The following FIP1L1 variants were observed in gnomAD, a reference collection of about 807,000 sequenced individuals.
FIP1L1 encodes the protein pre-mRNA 3'-end-processing factor FIP1.
In FIP1L1, 21 loss-of-function variants were observed where a neutral mutation model predicts 84.6. The observed-to-expected ratio is 0.25, with a 90% confidence interval of 0.18 to 0.36. The LOEUF is 0.36. Ranked by LOEUF, FIP1L1 falls within the 10% of genes least tolerant of loss-of-function variation. FIP1L1 has a pLI of 1.00. For synonymous variants in FIP1L1, 263 were observed against 242.3 expected, an observed-to-expected ratio of 1.09 and a Z score of -0.80; for missense variants, 526 against 751.1, an observed-to-expected ratio of 0.70 and a Z score of 3.50.
chr4:53,386,000 T>C (rs1355992756), intron 5 of FIP1L1, among the ~76,000 whole-genome samples: 2 of 152,082 alleles, frequency 1.3e-5, no homozygotes, highest in African/African-American at 2.4e-5. Flanking sequence ...AAGGACTGAA[T>C]TGATTTATTG....
At chr4:53,441,143 A>C (rs1482745383) in intron 13 of FIP1L1, among the ~76,000 whole-genome samples, 2 of 151,680 alleles carry the variant, frequency 1.3e-5, no homozygotes, top group African/African-American at 2.4e-5. Flanking sequence ...TATGTGGCCC[A>C]GTGTTTTATT....
chr4:53,390,504 G>C lies in FIP1L1; in HGVS notation c.398-17G>C, dbSNP rs201898974. On this transcript the variant is annotated splice_polypyrimidine_tract_variant and intron_variant, in intron 6 of 17. Coordinates refer to ENST00000337488, the MANE Select transcript of FIP1L1 (RefSeq NM_030917.4). ...CTTGCAAGTATAGCTCCTTCATTTTGTAATTTTATAAAACAGGGACAAAAG... is the reference window on the plus strand; with the variant it reads ...CTTGCAAGTATAGCTCCTTCATTTTCTAATTTTATAAAACAGGGACAAAAG... The C allele has an allele frequency of 2.6e-6, 4 of 1,549,910 alleles. No individual in the cohort carries two copies. The African/African-American group carries it at 5.5e-5, about 21-fold the overall frequency.
intron 13 of FIP1L1, among the ~76,000 whole-genome samples, chr4:53,438,354 T>C (rs1174567525): frequency 6.6e-6 from 1 of 152,216 alleles, no homozygotes; most frequent in African/African-American, 2.4e-5. Flanking sequence ...AGTCAAATAC[T>C]AAATAGTGAT....
intron 13 of FIP1L1, among the ~76,000 whole-genome samples, chr4:53,430,716 T>C (rs1766276080): frequency 6.6e-6 from 1 of 152,200 alleles, no homozygotes; most frequent in African/African-American, 2.4e-5. Flanking sequence ...CATTATACTA[T>C]AGAGTGCAGC....
At chr4:53,378,928 G>C in intron 1 of FIP1L1, 145 bp from the exon 2 acceptor site, 2 of 788,302 alleles carry the variant, frequency 2.5e-6, no homozygotes, top group Admixed American at 2.9e-5. Flanking sequence ...GAATGTGTAG[G>C]ATTTCTTTTA....
In FIP1L1 at chr4:53,382,290, A is replaced by C. The variant is rs1334225690; in HGVS notation, c.183A>C (p.Pro61=). The change falls in exon 4 of 18, where the codon CCA becomes CCC. Residue 61 remains proline, a synonymous_variant. Coordinates refer to ENST00000337488, the MANE Select transcript of FIP1L1 (RefSeq NM_030917.4). ...TTGTTGTTTGTAGTGCTAATCCTCC[A>C]TCTGGAATTGAAGATGAAACTGCTG... is the stretch of plus-strand genomic sequence containing the variant. ...PEEENASANP[P]SGIEDETAEN... is the part of the protein sequence containing the mutation. 6.2e-7 allele frequency: 1 copy of C among 1,613,392 alleles called. No homozygotes were observed. Among genetic ancestry groups the C allele is most frequent in the African/African-American group, 1.3e-5 (1 of 74,918 alleles).
chr4:53,384,168 G>A (rs1739595335), intron 5 of FIP1L1, among the ~76,000 whole-genome samples: 1 of 152,142 alleles, frequency 6.6e-6, no homozygotes, highest in African/African-American at 2.4e-5. Flanking sequence ...CAGGACTTTG[G>A]GAGGCCGAGG....
chr4:53,410,385 G>T (rs1756569866), intron 10 of FIP1L1, among the ~76,000 whole-genome samples: 1 of 152,178 alleles, frequency 6.6e-6, no homozygotes, highest in Non-Finnish European at 1.5e-5. Flanking sequence ...TTCGATGATT[G>T]CTCTTAGTTG....
At chr4:53,418,962 A>C (rs1761007734) in intron 11 of FIP1L1, among the ~76,000 whole-genome samples, 1 of 152,216 alleles carries the variant, frequency 6.6e-6, no homozygotes, top group African/African-American at 2.4e-5. Context: ...AAGTGCTCTG[A>C]ATGCATGTTG....
intron 15 of FIP1L1, among the ~76,000 whole-genome samples, chr4:53,444,805 C>T (rs927557056): frequency 2.0e-5 from 3 of 152,094 alleles, no homozygotes; most frequent in African/African-American, 7.2e-5. Flanking sequence ...CTCCTGGGCT[C>T]AAGCAATTCT....
chr4:53,421,150 G>A (rs1431193865), intron 11 of FIP1L1, among the ~76,000 whole-genome samples: 2 of 152,190 alleles, frequency 1.3e-5, no homozygotes, highest in South Asian at 4.1e-4. Context: ...AAAATCAAAT[G>A]ATAGCTAGGC....
At chr4:53,397,657 T>G (rs528997149) in intron 9 of FIP1L1, among the ~76,000 whole-genome samples, 1 of 152,372 alleles carries the variant, frequency 6.6e-6, no homozygotes, top group African/African-American at 2.4e-5. Flanking sequence ...CTGGAATATC[T>G]GTGTGACAAA....
At chr4:53,410,498 T>C (rs1194427261) in intron 10 of FIP1L1, among the ~76,000 whole-genome samples, 1 of 152,182 alleles carries the variant, frequency 6.6e-6, no homozygotes, top group East Asian at 1.9e-4. Flanking sequence ...CTGGGCCAAA[T>C]GTGTTGTTGA....
intron 7 of FIP1L1, among the ~76,000 whole-genome samples, 174 bp from the exon 8 acceptor site, chr4:53,390,835 C>T (rs1211744100): frequency 1.3e-5 from 2 of 151,914 alleles, no homozygotes; most frequent in East Asian, 1.9e-4. Flanking sequence ...ATTATAATGG[C>T]GTTTGTAAAG....
rs375135515 is a variant in FIP1L1 at position 53,437,578 on chromosome 4, G to A, written c.1175-5075G>A. ...AGCAACATCATCTGGGAAATTTAGG[G>A]GAATGTAGGTTTTCTGGTCCCACCC... On this transcript the variant is annotated intron_variant, in intron 13 of 17. Transcript: ENST00000337488. Among the ~76,000 whole-genome samples, 19 of 152,050 alleles carry A rather than the reference G, an allele frequency of 1.2e-4. No individual in the cohort carries two copies. In the East Asian group the frequency reaches 1.5e-3, roughly 12 times the overall value.
intron 11 of FIP1L1, among the ~76,000 whole-genome samples, chr4:53,419,991 G>C (rs183027072): frequency 6.6e-6 from 1 of 151,676 alleles, no homozygotes; most frequent in African/African-American, 2.4e-5. Context: ...GGTGGATCAC[G>C]AGGTCAGGAG....
chr4:53,431,112 C>T (rs1766456760), intron 13 of FIP1L1, among the ~76,000 whole-genome samples: 1 of 152,152 alleles, frequency 6.6e-6, no homozygotes, highest in African/African-American at 2.4e-5. Context: ...ATTGAGTTAA[C>T]GACATATTTA....
chr4:53,406,675 C>T (rs1753686472), intron 10 of FIP1L1, among the ~76,000 whole-genome samples: 1 of 152,126 alleles, frequency 6.6e-6, no homozygotes, highest in African/African-American at 2.4e-5. Flanking sequence ...TGATTATTGC[C>T]ACAATTTCAG....
intron 15 of FIP1L1, among the ~76,000 whole-genome samples, chr4:53,449,114 T>G (rs868275436): frequency 9.9e-5 from 15 of 152,254 alleles, no homozygotes; most frequent in Non-Finnish European, 2.1e-4. Context: ...TTTTGTTTAT[T>G]TGTTCTGGCA....
Sources: allele counts gnomAD v4.1 joint callset (sites outside exome capture counted in the v4.1 genomes callset), GRCh38; gene constraint gnomAD v4.1.1; transcripts MANE v1.5; gene names NCBI Gene and HGNC (gene_info 2026-07-23, HGNC 2026-07-21).